MCM2: variants seen among roughly 807,000 people sequenced by gnomAD.
The protein encoded by MCM2 is DNA replication licensing factor MCM2.
In MCM2, 49 loss-of-function variants were observed where a neutral mutation model predicts 86.4. The observed-to-expected ratio is 0.57, with a 90% CI of 0.45 to 0.72. MCM2 has a LOEUF of 0.72. MCM2 is among the 30% of genes least tolerant of loss of function. The pLI is 0.00. For synonymous variants in MCM2, 475 were observed against 484.6 expected, an observed-to-expected ratio of 0.98 and a Z score of 0.26; for missense variants, 1,038 against 1,259.9, an observed-to-expected ratio of 0.82 and a Z score of 2.67.
rs143438377 is a variant in MCM2, at chr3:127,608,377, C to T, written c.1102-5C>T. 68 of 1,614,072 alleles carry T rather than the reference C, an allele frequency of 4.2e-5. No homozygotes were observed. The highest frequency in any genetic ancestry group is 5.3e-5 in the Non-Finnish European group (63 of 1,179,942). On this transcript the variant is annotated splice_region_variant and splice_polypyrimidine_tract_variant and intron_variant, in intron 6 of 15. Coordinates refer to ENST00000265056, the MANE Select transcript of MCM2 (RefSeq NM_004526.4). ...GATTTGAGGCCTTCTGTGTGTCCCT[C>T]GCAGACCATCTATCAGAACTACCAG...
chr3:127,602,092 A>G (rs952751264), intron 2 of MCM2, among the ~76,000 whole-genome samples: 1 of 150,448 alleles, frequency 6.6e-6, no homozygotes, highest in Non-Finnish European at 1.5e-5. Flanking sequence ...AATCTGGCTT[A>G]TCTTTTTCGT....
rs59607211 is a variant in MCM2, at chr3:127,611,682, CTTTTTTTTTTTTTTTTTTT to C, written c.1428+2675_1428+2693del. ...AAGCCCTGCAGGCTTCTGCAGCTGA[CTTTTTTTTTTTTTTTTTTT>C]TTTTTTTTTTTTTTTGAGACGGAGT... On this transcript the variant is annotated intron_variant, in intron 8 of 15. Transcript: ENST00000265056. Among the ~76,000 whole-genome samples the C allele has an allele frequency of 1.1e-4, 6 of 54,282 alleles. 1 individual carries two copies. Among genetic ancestry groups the C allele is most frequent in the East Asian group, 1.5e-3 (2 of 1,314 alleles). 35.6% of individuals were successfully genotyped at this position (54,282 alleles called of 152,430 possible). A position where few individuals can be genotyped will look rare whatever the true frequency, so the allele number is the denominator to read the frequency against.
At chr3:127,604,851 G>A in intron 3 of MCM2, 45 bp from the exon 4 acceptor site, 1 of 1,580,772 alleles carries the variant, frequency 6.3e-7, no homozygotes, top group Admixed American at 1.9e-5. Context: ...GGGAGTAGAA[G>A]GTGCTGGGGA....
At chr3:127,613,996 A>G (rs1486047200) in intron 8 of MCM2, among the ~76,000 whole-genome samples, 1 of 152,194 alleles carries the variant, frequency 6.6e-6, no homozygotes, top group Non-Finnish European at 1.5e-5. Flanking sequence ...TCCTCCATTC[A>G]TGAGAGCAGA....
At chr3:127,604,808 G>A (rs562792791) in intron 3 of MCM2, 25 bp downstream of exon 3, 45 of 1,573,362 alleles carry the variant, frequency 2.9e-5, no homozygotes, top group African/African-American at 5.4e-5. Flanking sequence ...CTGCCTGCCC[G>A]AGGGACTGGG....
intron 8 of MCM2, 55 bp from the exon 9 acceptor site, chr3:127,615,807 G>T: frequency 1.5e-6 from 2 of 1,295,522 alleles, no homozygotes; most frequent in Non-Finnish European, 1.1e-6. Context: ...GCATGTGGGT[G>T]ACCTACTCTG....
At position 127,619,041 on chromosome 3, in the gene MCM2, C is replaced by T. The variant is rs1235390922; in HGVS notation, c.2028C>T (p.Ala676=). The T allele has an allele frequency of 1.2e-6, 2 of 1,602,522 alleles. No homozygotes were observed. Among genetic ancestry groups the T allele is most frequent in the Non-Finnish European group, 1.7e-6 (2 of 1,172,378 alleles). ...GCTTATCTTAGGACGAGATGCTGGC[C>T]CGCTTCGTGGTGGGCAGCCACGTCA... is the stretch of plus-strand genomic sequence containing the variant. The part of the protein sequence containing the change: ...TVDPVQDEML[A]RFVVGSHVRH... The change falls in exon 13 of 16, where the codon GCC becomes GCT. Residue 676 remains alanine (A), a synonymous_variant. Transcript: ENST00000265056.
chr3:127,603,020 G>GTT, intron 2 of MCM2, among the ~76,000 whole-genome samples: 1 of 148,752 alleles, frequency 6.7e-6, no homozygotes, highest in South Asian at 2.1e-4. Context: ...CTTTTCTTTT[G>GTT]TTTTTTTTTT....
chr3:127,599,924 T>G (rs73861527), intron 2 of MCM2, among the ~76,000 whole-genome samples: 2 of 152,200 alleles, frequency 1.3e-5, no homozygotes, highest in East Asian at 1.9e-4. Flanking sequence ...AAATAAAGTT[T>G]TAGAGTCAAT....
At chr3:127,621,037 G>A in intron 14 of MCM2, 36 bp from the exon 15 acceptor site, 1 of 1,609,694 alleles carries the variant, frequency 6.2e-7, no homozygotes, top group Non-Finnish European at 8.5e-7. Flanking sequence ...CAGGCGTAGT[G>A]GGAGCGGGTG....
At chr3:127,612,963 C>G (rs2074410220) in intron 8 of MCM2, among the ~76,000 whole-genome samples, 1 of 152,184 alleles carries the variant, frequency 6.6e-6, no homozygotes, top group Non-Finnish European at 1.5e-5. Context: ...CGCTGTTATT[C>G]CCTGGCAGGT....
chr3:127,608,795 G>T (rs770819139), intron 7 of MCM2, 37 bp from the exon 8 acceptor site: 1 of 1,606,654 alleles, frequency 6.2e-7, no homozygotes, highest in Non-Finnish European at 8.5e-7. Flanking sequence ...GCACCCCTGG[G>T]TTAGGCTCTG....
rs1341252676 is a variant in MCM2 at position 127,618,261 on chromosome 3, C to G, written c.2013+180C>G. Among the ~76,000 whole-genome samples, 1 of 152,078 alleles carries G rather than the reference C, an allele frequency of 6.6e-6. No individual in the cohort carries two copies. Among genetic ancestry groups the G allele is most frequent in the Admixed American group, 6.5e-5 (1 of 15,274 alleles). On this transcript the variant is annotated intron_variant, in intron 12 of 15. Transcript: ENST00000265056. The surrounding 1 kb of genome is among the most constrained non-coding windows in gnomAD (Gnocchi z 4.0). ...AAGTCGCCCTGATTTCTCTTTCCTT[C>G]ACAGCACCCCCGACCCCCACCCTAC...
At chr3:127,621,597 TG>T in intron 15 of MCM2, 65 bp from the exon 16 acceptor site, 2 of 1,034,416 alleles carry the variant, frequency 1.9e-6, no homozygotes, top group Non-Finnish European at 3.0e-6. Context: ...GCACTGTAAC[TG>T]GGGCGCTCTG....
chr3:127,598,792 A>T, intron 1 of MCM2: 1 of 441,004 alleles, frequency 2.3e-6, no homozygotes, highest in Non-Finnish European at 4.0e-6. Context: ...ACTCCTTTAA[A>T]CTTTTTTTTT....
rs754955271 is a variant in MCM2, at chr3:127,598,462, C to T, written c.-5C>T. ...TGTAGTGGCGGAGAGGATCGTGGTACTGCTATGGCGGTGAGCGCGCTGGCG... is the reference window on the plus strand; with the variant it reads ...TGTAGTGGCGGAGAGGATCGTGGTATTGCTATGGCGGTGAGCGCGCTGGCG... On this transcript the variant is annotated 5_prime_UTR_variant, in exon 1 of 16. Transcript: ENST00000265056. The T allele has an allele frequency of 1.1e-5, 18 of 1,613,224 alleles. No homozygotes were observed. The highest frequency in any genetic ancestry group is 1.6e-4 in the Middle Eastern group (1 of 6,084).
Position 127,604,946 on chromosome 3 carries a change from G to A in MCM2, c.463G>A (p.Glu155Lys). The A allele has an allele frequency of 6.2e-7, 1 of 1,613,796 alleles. No homozygotes were observed. The change falls in exon 4 of 16, where the codon GAG becomes AAG. Residue 155 changes from glutamate (E) to lysine (K), a missense_variant. Around this residue, in one of 4 missense-constraint regions of MCM2, gnomAD observed 300 missense variants for 307.4 expected, o/e 0.98. Transcript: ENST00000265056. ...ERPARKRRQVERATEDGEEDE... is the reference protein window; with the variant it reads ...ERPARKRRQVKRATEDGEEDE... The stretch of plus-strand genomic sequence containing the variant: ...CCCTGCCCGCAAGCGCCGCCAGGTG[G>A]AGCGGGCCACGGAGGACGGCGAGGA...
chr3:127,615,848 C>A lies in MCM2; in HGVS notation c.1429-14C>A, dbSNP rs746659418. Reference sequence around the variant, plus strand: ...ATCTGTTCCCATTCTTGTCGGTCTCCCTCCCTTTCTCAGATCTTTGCCAGC... The same window carrying A: ...ATCTGTTCCCATTCTTGTCGGTCTCACTCCCTTTCTCAGATCTTTGCCAGC... On this transcript the variant is annotated splice_polypyrimidine_tract_variant and intron_variant, in intron 8 of 15. Transcript: ENST00000265056. 5 of 1,596,224 alleles carry A rather than the reference C, an allele frequency of 3.1e-6. No individual in the cohort carries two copies. The South Asian group carries it at 4.4e-5, about 14-fold the overall frequency.
chr3:127,604,527 C>G, intron 2 of MCM2, 81 bp from the exon 3 acceptor site: 1 of 1,457,486 alleles, frequency 6.9e-7, no homozygotes, highest in Non-Finnish European at 9.4e-7. Flanking sequence ...CCTTAGGGAA[C>G]AGGCCCAGTT....
Sources: allele counts gnomAD v4.1 joint callset (sites outside exome capture counted in the v4.1 genomes callset), GRCh38; gene constraint gnomAD v4.1.1; regional missense constraint gnomAD v4.1.1; non-coding constraint Gnocchi (gnomAD v3.1); transcripts MANE v1.5; gene names NCBI Gene and HGNC (gene_info 2026-07-23, HGNC 2026-07-21).